MYO3B: variants seen among roughly 807,000 people sequenced by gnomAD.
The protein encoded by MYO3B is myosin IIIB, also known as myosin-IIIb.
MYO3B carries 156 observed loss-of-function variants against 174.6 expected under a neutral mutation model. The observed-to-expected ratio is 0.89, with a 90% CI of 0.78 to 1.02. The LOEUF is 1.02. Among genes scored for constraint, MYO3B ranks in the 50% least tolerant of loss-of-function variants. The pLI, the probability that MYO3B is intolerant of heterozygous loss-of-function variation, is 0.00. For missense variants in MYO3B, 1,632 were observed against 1,639.4 expected, an observed-to-expected ratio of 1.00 and a Z score of 0.08; for synonymous variants, 563 against 569.1, an observed-to-expected ratio of 0.99 and a Z score of 0.15.
intron 7 of MYO3B, among the ~76,000 whole-genome samples, chr2:170,320,471 T>C (rs536602311): frequency 6.6e-6 from 1 of 150,502 alleles, no homozygotes; most frequent in African/African-American, 2.5e-5. Flanking sequence ...AATGAACCTA[T>C]CTCATTTTGT....
At chr2:170,418,500 C>T (rs2094595325) in intron 22 of MYO3B, among the ~76,000 whole-genome samples, 2 of 152,168 alleles carry the variant, frequency 1.3e-5, no homozygotes, top group Admixed American at 1.3e-4. Context: ...AAAAGTGCAT[C>T]CCTAGGTCTT....
chr2:170,205,571 T>A (rs2092705754), intron 3 of MYO3B, among the ~76,000 whole-genome samples: 1 of 152,170 alleles, frequency 6.6e-6, no homozygotes, highest in South Asian at 2.1e-4. Context: ...ATTTTCCTAA[T>A]TCTCACAGTT....
chr2:170,321,005 T>C (rs541546782), intron 7 of MYO3B, among the ~76,000 whole-genome samples: 1 of 152,298 alleles, frequency 6.6e-6, no homozygotes, highest in South Asian at 2.1e-4. Flanking sequence ...GTAAGATCAC[T>C]TGGGTCCAGC....
At position 170,455,827 on chromosome 2, in the gene MYO3B, C is replaced by T. The variant is rs557523425; in HGVS notation, c.2731-7541C>T. Among the ~76,000 whole-genome samples, 7 of 152,266 alleles carry T rather than the reference C, an allele frequency of 4.6e-5. No individual in the cohort carries two copies. In the East Asian group the frequency reaches 1.4e-3, roughly 29 times the overall value. Reference sequence around the variant, plus strand: ...ATGTTTATCATGTGGGCAGAAAGCACGCTTGCTCAGCTCCAACTGACTTAC... The same window carrying T: ...ATGTTTATCATGTGGGCAGAAAGCATGCTTGCTCAGCTCCAACTGACTTAC... On this transcript the variant is annotated intron_variant, in intron 23 of 34. Coordinates refer to ENST00000408978, the MANE Select transcript of MYO3B (RefSeq NM_138995.5).
intron 1 of MYO3B, among the ~76,000 whole-genome samples, chr2:170,179,865 G>A (rs1230818814): frequency 6.6e-6 from 1 of 152,120 alleles, no homozygotes; most frequent in African/African-American, 2.4e-5. Flanking sequence ...CTTATTCTGT[G>A]TATCTCTGGG....
At chr2:170,231,131 T>G (rs1347841237) in intron 6 of MYO3B, among the ~76,000 whole-genome samples, 1 of 152,204 alleles carries the variant, frequency 6.6e-6, no homozygotes, top group Non-Finnish European at 1.5e-5. Context: ...TCAAAGCAGT[T>G]GTGCATGTGG....
At chr2:170,450,190 A>G (rs569411684) in intron 23 of MYO3B, among the ~76,000 whole-genome samples, 1 of 152,366 alleles carries the variant, frequency 6.6e-6, no homozygotes, top group East Asian at 1.9e-4. Context: ...ATATTTATAA[A>G]AATACAGTCC....
intron 28 of MYO3B, among the ~76,000 whole-genome samples, chr2:170,507,065 G>A (rs920049741): frequency 1.3e-5 from 2 of 152,252 alleles, no homozygotes; most frequent in Admixed American, 6.5e-5. Flanking sequence ...AGGAAGCACA[G>A]GTGTGAGAGA....
intron 25 of MYO3B, among the ~76,000 whole-genome samples, chr2:170,482,992 A>G (rs1685794043): frequency 6.6e-6 from 1 of 152,254 alleles, no homozygotes; most frequent in Non-Finnish European, 1.5e-5. Flanking sequence ...TGCCTTTTTC[A>G]TGGAGCCCAT....
intron 7 of MYO3B, among the ~76,000 whole-genome samples, chr2:170,259,078 GA>G (rs2093326234): frequency 6.6e-6 from 1 of 152,008 alleles, no homozygotes; most frequent in Admixed American, 6.6e-5. Flanking sequence ...CAAACAAATG[GA>G]AAAACATTCC....
chr2:170,538,304 T>G (rs567282480), intron 30 of MYO3B, among the ~76,000 whole-genome samples: 2 of 152,362 alleles, frequency 1.3e-5, no homozygotes, highest in African/African-American at 4.8e-5. Context: ...TACCATTCAT[T>G]ATAAAATCAC....
At chr2:170,494,043 C>G (rs1170105850) in intron 25 of MYO3B, among the ~76,000 whole-genome samples, 5 of 152,318 alleles carry the variant, frequency 3.3e-5, no homozygotes, top group Admixed American at 3.3e-4. Context: ...CCCTCAGAAA[C>G]TGTGTAATGA....
chr2:170,568,519 G>A lies in MYO3B; in HGVS notation c.3733+24531G>A, dbSNP rs185939710. The stretch of plus-strand genomic sequence containing the variant: ...GATGGCATTGGTTTAGCTATTGTGT[G>A]ACTTTGTTTGGATCTTCTTTTGCCC... On this transcript the variant is annotated intron_variant, in intron 32 of 34. Transcript: ENST00000408978. Among the ~76,000 whole-genome samples the A allele has an allele frequency of 5.3e-5, 8 of 152,300 alleles. No homozygotes were observed. The East Asian group carries it at 1.5e-3, about 29-fold the overall frequency.
intron 32 of MYO3B, among the ~76,000 whole-genome samples, chr2:170,588,932 T>C (rs1693653485): frequency 6.6e-6 from 1 of 152,204 alleles, no homozygotes; most frequent in African/African-American, 2.4e-5. Context: ...TTTGCCAACG[T>C]TGCAAAAATC....
intron 23 of MYO3B, among the ~76,000 whole-genome samples, chr2:170,455,517 A>T (rs1292389902): frequency 2.0e-5 from 3 of 152,198 alleles, no homozygotes; most frequent in Non-Finnish European, 4.4e-5. Context: ...GTTAGTCTTA[A>T]CTTCCTCATA....
At chr2:170,386,982 T>A (rs934743639) in intron 13 of MYO3B, 124 bp from the exon 14 acceptor site, 1 of 816,350 alleles carries the variant, frequency 1.2e-6, no homozygotes, top group Non-Finnish European at 1.9e-6. Flanking sequence ...GATGCTAACG[T>A]CCCCCAAATG....
At chr2:170,385,116 G>T (rs549927357) in intron 12 of MYO3B, among the ~76,000 whole-genome samples, 2 of 152,240 alleles carry the variant, frequency 1.3e-5, no homozygotes, top group South Asian at 2.1e-4. Flanking sequence ...GGGTGTATGG[G>T]GGGAGGAAGG....
At chr2:170,604,423 CT>C (rs1694693962) in intron 32 of MYO3B, among the ~76,000 whole-genome samples, 1 of 152,088 alleles carries the variant, frequency 6.6e-6, no homozygotes, top group South Asian at 2.1e-4. Context: ...TGCTATTTAA[CT>C]TTTTTTCTTT....
intron 23 of MYO3B, among the ~76,000 whole-genome samples, chr2:170,453,438 A>ACAC (rs934148020): frequency 7.4e-6 from 1 of 136,046 alleles, no homozygotes; most frequent in African/African-American, 2.8e-5. Flanking sequence ...ACACACACAC[A>ACAC]CACACACACA....
Sources: allele counts gnomAD v4.1 joint callset (sites outside exome capture counted in the v4.1 genomes callset), GRCh38; gene constraint gnomAD v4.1.1; transcripts MANE v1.5; gene names NCBI Gene and HGNC (gene_info 2026-07-23, HGNC 2026-07-21).